MED12: variants seen among roughly 807,000 people sequenced by gnomAD.
MED12 encodes mediator complex subunit 12, also known as mediator of RNA polymerase II transcription subunit 12.
MED12 carries 10 observed loss-of-function variants against 177.7 expected under a neutral mutation model. That is an observed-to-expected ratio of 0.06 (90% CI 0.03 to 0.10). The LOEUF (loss-of-function observed/expected upper bound fraction) is 0.10, where lower values mean the gene tolerates loss of function less well. Among genes scored for constraint, MED12 ranks in the 10% least tolerant of loss-of-function variants. The probability of loss-of-function intolerance (pLI) is 1.00; values close to 1 mark genes in which losing one functional copy is unlikely to be tolerated. For missense variants in MED12, 867 were observed against 1,780.8 expected (o/e 0.49, Z 9.23); for synonymous variants, 641 against 678.4 (o/e 0.94, Z 0.86).
intron 24 of MED12, 190 bp from the exon 25 acceptor site, chrX:71,128,924 C>A: frequency 1.8e-6 from 1 of 566,261 alleles, no homozygotes. Flanking sequence ...CAATTTCTGA[C>A]CCTTCAACTG....
chrX:71,120,800 G>A (rs1464410319), intron 4 of MED12, among the ~76,000 whole-genome samples, 171 bp from the exon 5 acceptor site: 1 of 111,035 alleles, frequency 9.0e-6, no homozygotes, highest in Admixed American at 9.5e-5. Context: ...TCTAGAGACG[G>A]GGTTTCACCA....
At chrX:71,132,294 T>G (rs1263850505) in intron 30 of MED12, 83 bp from the exon 31 acceptor site, 1 of 1,178,556 alleles carries the variant, frequency 8.5e-7, no homozygotes, top group Non-Finnish European at 1.2e-6. Context: ...GATGCCAGCA[T>G]GTCCATCAGG....
At chrX:71,124,867 C>A in intron 14 of MED12, 23 bp downstream of exon 14, 1 of 1,192,861 alleles carries the variant, frequency 8.4e-7, no homozygotes, top group Non-Finnish European at 1.1e-6. Flanking sequence ...CTGAGCGTGG[C>A]AGAATCTGGA....
intron 43 of MED12, among the ~76,000 whole-genome samples, chrX:71,141,590 A>T (rs760258814): frequency 3.2e-4 from 36 of 112,315 alleles, no homozygotes; most frequent in Middle Eastern, 4.6e-3. Flanking sequence ...GGAGTTCAAG[A>T]CCAGCCTGGC....
intron 4 of MED12, 99 bp downstream of exon 4, chrX:71,120,269 C>T: frequency 1.1e-6 from 1 of 935,306 alleles, no homozygotes; most frequent in East Asian, 3.1e-5. Flanking sequence ...TTCCTTGTTT[C>T]TGCTTGTTTC....
rs964324501 is a variant in MED12, at chrX:71,122,332, G to A, written c.1234G>A (p.Ala412Thr). 8.3e-7 allele frequency: 1 copy of A among 1,210,398 alleles called. No individual in the cohort carries two copies. Among genetic ancestry groups the A allele is most frequent in the African/African-American group, 1.7e-5 (1 of 57,275 alleles). Residue 412 changes from alanine to threonine, a missense_variant, in exon 8 of 45, where the codon GCC becomes ACC. This residue lies in a region of MED12 where 309 missense variants were observed against 556.3 expected (regional missense o/e 0.56). Transcript: ENST00000374080. ...CCTGCCCATGCCAGAGGGTAACAGT[G>A]CCTTCACTCAGCAGGTATGTCTGAC... ...SNLPMPEGNS[A>T]FTQQVRAKLR... is the part of the protein sequence containing the mutation.
At chrX:71,134,925 G>A in intron 35 of MED12, 77 bp downstream of exon 35, 2 of 1,185,872 alleles carry the variant, frequency 1.7e-6, no homozygotes, top group Non-Finnish European at 2.3e-6. Context: ...CTTCTGGCTG[G>A]AGCCCTCTAC....
chrX:71,127,978 A>C lies in MED12; in HGVS notation c.3067A>C (p.Ile1023Leu). The C allele has an allele frequency of 8.3e-7, 1 of 1,211,123 alleles. No homozygotes were observed. Among genetic ancestry groups the C allele is most frequent in the Non-Finnish European group, 1.1e-6 (1 of 895,115 alleles). ...SNMRWAPEFMIDTLENPAAHT... is the reference protein window; with the variant it reads ...SNMRWAPEFMLDTLENPAAHT... ...TATGCGCTGGGCACCTGAGTTCATG[A>C]TCGACACTCTAGAGAACCCTGCAGC... Residue 1023 changes from isoleucine to leucine, a missense_variant, in exon 22 of 45, where the codon ATC becomes CTC. Transcript: ENST00000374080.
At chrX:71,134,602 T>C (rs1018435247) in intron 34 of MED12, 111 bp from the exon 35 acceptor site, 2 of 1,076,714 alleles carry the variant, frequency 1.9e-6, no homozygotes, top group African/African-American at 3.6e-5. Flanking sequence ...ACAGTTTTGG[T>C]GCCCTTGGGA....
At chrX:71,123,061 A>G in intron 10 of MED12, 34 bp from the exon 11 acceptor site, 1 of 1,209,422 alleles carries the variant, frequency 8.3e-7, no homozygotes, top group Non-Finnish European at 1.1e-6. Context: ...CCCCACCCCT[A>G]CCTTACTCCT....
At position 71,142,024 on chromosome X, in the gene MED12, G is replaced by A. The variant is rs2092349607; in HGVS notation, c.6490+60G>A. ...GGAATAAATTTAGGGGGCGGGGTGG[G>A]CCAAAGTAGCTGAAACGATAGCTTC... On this transcript the variant is annotated intron_variant, in intron 44 of 44. Coordinates refer to ENST00000374080, the MANE Select transcript of MED12 (RefSeq NM_005120.3). 3 of 1,149,133 alleles carry A rather than the reference G, an allele frequency of 2.6e-6. No individual in the cohort carries two copies. The African/African-American group carries it at 5.4e-5, about 21-fold the overall frequency. The allele number at this position is 1,149,133 out of a possible 1,213,427, so 94.7% of individuals were successfully genotyped here. A position where few individuals can be genotyped will look rare whatever the true frequency, so the allele number is the denominator to read the frequency against.
intron 28 of MED12, among the ~76,000 whole-genome samples, chrX:71,130,733 A>G (rs2092314842): frequency 8.9e-6 from 1 of 112,796 alleles, no homozygotes; most frequent in African/African-American, 3.2e-5. Context: ...TAGAGTCAAT[A>G]TGTGAACCCA....
In MED12 at chrX:71,132,286, T is replaced by C. The variant is rs926054169; in HGVS notation, c.4253+80T>C. 1.2e-5 allele frequency: 14 copies of C among 1,173,866 alleles called. No individual in the cohort carries two copies. The African/African-American group carries it at 2.3e-4, about 19-fold the overall frequency. ...GTGAGTGATATCAGATGCGTGGAGATGCCAGCATGTCCATCAGGGAAAGGA... is the reference window on the plus strand; with the variant it reads ...GTGAGTGATATCAGATGCGTGGAGACGCCAGCATGTCCATCAGGGAAAGGA... On this transcript the variant is annotated intron_variant, in intron 30 of 44. Transcript: ENST00000374080.
intron 19 of MED12, 128 bp from the exon 20 acceptor site, chrX:71,126,841 C>T (rs773518567): frequency 1.7e-4 from 114 of 665,901 alleles, no homozygotes; most frequent in Non-Finnish European, 2.7e-4. Context: ...GTAACGAGCC[C>T]TTCTATCCTG....
Position 71,128,574 on chromosome X carries a change from GTGTC to G in MED12, c.3355-16_3355-13del, listed in dbSNP as rs1556336608. 2 of 1,210,782 alleles carry G rather than the reference GTGTC, an allele frequency of 1.7e-6. No homozygotes were observed. Among genetic ancestry groups the G allele is most frequent in the Non-Finnish European group, 2.2e-6 (2 of 895,391 alleles). The stretch of plus-strand genomic sequence containing the variant: ...GAGTGGGCCTCCACACTGAGTCATG[GTGTC>G]TGTCTGTTTTTTCCTCCAGGTCAGT... On this transcript the variant is annotated intron_variant, in intron 23 of 44. Coordinates refer to ENST00000374080, the MANE Select transcript of MED12 (RefSeq NM_005120.3).
intron 34 of MED12, 23 bp downstream of exon 34, chrX:71,134,489 C>T (rs371718176): frequency 4.9e-6 from 5 of 1,023,131 alleles, no homozygotes; most frequent in Non-Finnish European, 5.4e-6. Flanking sequence ...CACCCGCTCC[C>T]TGCAGTTTCA....
chrX:71,132,667 T>C, intron 31 of MED12, 129 bp downstream of exon 31: 1 of 916,834 alleles, frequency 1.1e-6, no homozygotes, highest in Non-Finnish European at 1.5e-6. Flanking sequence ...AGAGTGGGCA[T>C]GGCTGAGCAA....
chrX:71,120,771 C>T (rs746662378), intron 4 of MED12, among the ~76,000 whole-genome samples, 200 bp from the exon 5 acceptor site: 1 of 110,368 alleles, frequency 9.1e-6, no homozygotes, highest in Non-Finnish European at 1.9e-5. Context: ...CCACTGCGCC[C>T]GGCTAATTTT....
chrX:71,132,053 G>A lies in MED12; in HGVS notation c.4120-20G>A, dbSNP rs1292531927. The A allele has an allele frequency of 1.7e-6, 2 of 1,206,329 alleles. No individual in the cohort carries two copies. The highest frequency in any genetic ancestry group is 2.2e-6 in the Non-Finnish European group (2 of 890,918). On this transcript the variant is annotated intron_variant, in intron 29 of 44. Transcript: ENST00000374080. ...CTTAGCTACCTATTTTAGCACTTCT[G>A]TGCCTTTCATCCTCCCCAGGAGATG...
Sources: gnomAD v4.1 joint callset for allele counts (sites outside exome capture counted in the v4.1 genomes callset) on GRCh38, gnomAD v4.1.1 for gene constraint, gnomAD v4.1.1 regional missense constraint, MANE v1.5 for transcripts, NCBI Gene and HGNC (gene_info 2026-07-23, HGNC 2026-07-21) for gene names.